The following AFF3 variants were observed in gnomAD, a reference collection of about 807,000 sequenced individuals.
AFF3 encodes the protein AF4/FMR2 family member 3.
Under a neutral mutation model 129.7 loss-of-function variants are expected in AFF3, and 32 were observed. The observed-to-expected ratio is 0.25, with a 90% CI of 0.19 to 0.33. The LOEUF (loss-of-function observed/expected upper bound fraction) is 0.33. Among genes scored for constraint, AFF3 ranks in the 10% least tolerant of loss-of-function variants. AFF3 has a pLI of 1.00. For synonymous variants in AFF3, 644 were observed against 635.4 expected (o/e 1.01, Z -0.20); for missense variants, 1,373 against 1,592.0 (o/e 0.86, Z 2.34).
At position 99,894,594 on chromosome 2, in the gene AFF3, G is replaced by A. The variant is rs546199955; in HGVS notation, c.874-57070C>T. The stretch of plus-strand genomic sequence containing the variant: ...CGCCATTCTCCTGCCTCAGCCTCCC[G>A]AGTAGCTGGGACTACAGGCGCCCGC... On this transcript the variant is annotated intron_variant, in intron 7 of 24. Coordinates refer to ENST00000672756, the MANE Select transcript of AFF3 (RefSeq NM_001386135.1). 1.3e-4 allele frequency among the ~76,000 whole-genome samples: 20 copies of A among 151,312 alleles called. No homozygotes were observed. In the East Asian group the frequency reaches 3.7e-3, roughly 28 times the overall value.
At chr2:99,585,907 T>G (rs1441405995) in intron 16 of AFF3, among the ~76,000 whole-genome samples, 1 of 152,104 alleles carries the variant, frequency 6.6e-6, no homozygotes, top group African/African-American at 2.4e-5. Flanking sequence ...TTTTTTATAT[T>G]TTTAGTAGAT....
At chr2:99,927,160 C>A (rs937159500) in intron 7 of AFF3, among the ~76,000 whole-genome samples, 6 of 152,174 alleles carry the variant, frequency 3.9e-5, no homozygotes, top group Admixed American at 3.9e-4. Context: ...TGCTTCAAGT[C>A]AAAAGCTTAG....
chr2:100,133,130 G>A (rs1475538494), intron 1 of AFF3, among the ~76,000 whole-genome samples: 1 of 151,726 alleles, frequency 6.6e-6, no homozygotes, highest in African/African-American at 2.4e-5. Context: ...TCTGGGTGCG[G>A]TGGCTCACAC....
intron 8 of AFF3, among the ~76,000 whole-genome samples, chr2:99,763,036 T>C (rs1411882541): frequency 6.6e-6 from 1 of 152,256 alleles, no homozygotes; most frequent in Non-Finnish European, 1.5e-5. Context: ...CTAATGCCAC[T>C]GTACCTGGTG....
intron 7 of AFF3, among the ~76,000 whole-genome samples, chr2:99,906,600 CA>C (rs1191726218): frequency 6.6e-6 from 1 of 152,136 alleles, no homozygotes; most frequent in East Asian, 1.9e-4. Context: ...TAAGGAAGAG[CA>C]TCCCAGACAA....
intron 9 of AFF3, among the ~76,000 whole-genome samples, chr2:99,749,290 C>T (rs1681429891): frequency 6.6e-6 from 1 of 152,100 alleles, no homozygotes; most frequent in Non-Finnish European, 1.5e-5. Flanking sequence ...AATTACACCT[C>T]AATAGAGCTA....
intron 4 of AFF3, among the ~76,000 whole-genome samples, chr2:100,047,441 TGA>T (rs1470656828): frequency 7.9e-5 from 12 of 152,354 alleles, no homozygotes; most frequent in South Asian, 6.2e-4. Flanking sequence ...CGGTAAATGC[TGA>T]GTCTTACAAT....
chr2:100,122,650 A>G (rs902264545), intron 2 of AFF3, among the ~76,000 whole-genome samples: 3 of 152,208 alleles, frequency 2.0e-5, no homozygotes, highest in Admixed American at 6.5e-5. Context: ...GCAATTGAGA[A>G]CAAGTATGTC....
At chr2:99,865,423 C>G (rs1691318691) in intron 7 of AFF3, among the ~76,000 whole-genome samples, 1 of 152,196 alleles carries the variant, frequency 6.6e-6, no homozygotes, top group African/African-American at 2.4e-5. Context: ...AAGGTCCTGG[C>G]TGTCAAATTG....
intron 8 of AFF3, among the ~76,000 whole-genome samples, chr2:99,796,208 G>A (rs1375323962): frequency 6.6e-6 from 1 of 152,096 alleles, no homozygotes; most frequent in Non-Finnish European, 1.5e-5. Context: ...AAAGTCTGGT[G>A]AGGCTCAAGT....
chr2:99,604,923 C>T (rs967535465), intron 13 of AFF3, among the ~76,000 whole-genome samples: 2 of 152,226 alleles, frequency 1.3e-5, no homozygotes, highest in African/African-American at 2.4e-5. Flanking sequence ...AAAAAACATG[C>T]GATGCTGGTT....
chr2:99,847,285 C>T (rs1689799843), intron 7 of AFF3, among the ~76,000 whole-genome samples: 1 of 151,894 alleles, frequency 6.6e-6, no homozygotes, highest in African/African-American at 2.4e-5. Context: ...CAGCAATTCT[C>T]CCGCCTCAGC....
chr2:99,779,034 C>CCTGG (rs1684183579), intron 8 of AFF3, among the ~76,000 whole-genome samples: 1 of 151,848 alleles, frequency 6.6e-6, no homozygotes, highest in Admixed American at 6.6e-5. Flanking sequence ...TCTTTTCTTG[C>CCTGG]CTAATTGCTC....
rs187615262 is a variant in AFF3, at chr2:100,026,312, A to C, written c.54-17380T>G. ...ATATGAAAAAATGCTCAACATCACTAATGATCAGGGAAATGCAAATCAAAA... is the reference window on the plus strand; with the variant it reads ...ATATGAAAAAATGCTCAACATCACTCATGATCAGGGAAATGCAAATCAAAA... On this transcript the variant is annotated intron_variant, in intron 4 of 24. Transcript: ENST00000672756. Among the ~76,000 whole-genome samples the C allele has an allele frequency of 2.1e-3, 327 of 152,310 alleles. 1 individual carries two copies. The highest frequency in any genetic ancestry group is 0.011 in the South Asian group (52 of 4,828).
At chr2:99,965,569 C>T (rs769514694) in intron 7 of AFF3, among the ~76,000 whole-genome samples, 12 of 152,190 alleles carry the variant, frequency 7.9e-5, no homozygotes, top group Admixed American at 2.0e-4. Context: ...CCTCTAAGCC[C>T]GCCAAGATCA....
intron 8 of AFF3, among the ~76,000 whole-genome samples, chr2:99,811,420 G>GTTT (rs963886628): frequency 2.0e-5 from 3 of 150,920 alleles, no homozygotes; most frequent in African/African-American, 7.3e-5. Flanking sequence ...AGGTTTTTTG[G>GTTT]TTTTTTTTTC....
chr2:99,874,184 AC>A (rs1558935959), intron 7 of AFF3, among the ~76,000 whole-genome samples: 1 of 152,156 alleles, frequency 6.6e-6, no homozygotes. Context: ...CTCAAAAAAA[AC>A]AAAAAACTCT....
At chr2:99,837,608 C>T in intron 7 of AFF3, 84 bp from the exon 8 acceptor site, 2 of 1,295,144 alleles carry the variant, frequency 1.5e-6, no homozygotes, top group Non-Finnish European at 2.1e-6. Context: ...AATTAGTCCC[C>T]CCCAACAAAA....
chr2:99,899,495 G>T (rs1694203324), intron 7 of AFF3, among the ~76,000 whole-genome samples: 1 of 152,132 alleles, frequency 6.6e-6, no homozygotes, highest in South Asian at 2.1e-4. Flanking sequence ...ACTGCTCCTG[G>T]GGTCAATCGA....
Sources: gnomAD v4.1 joint callset for allele counts (sites outside exome capture counted in the v4.1 genomes callset) on GRCh38, gnomAD v4.1.1 for gene constraint, MANE v1.5 for transcripts, NCBI Gene and HGNC (gene_info 2026-07-23, HGNC 2026-07-21) for gene names.